The following INSL6 variants were observed in gnomAD, a reference collection of about 807,000 sequenced individuals.
INSL6 encodes the protein insulin like 6.
INSL6 carries 16 observed loss-of-function variants against 9.4 expected under a neutral mutation model. The observed-to-expected ratio is 1.70, with a 90% CI of 1.15 to 2.59. The LOEUF is 2.59. Ranked by LOEUF, INSL6 falls within the 30% of genes most tolerant of loss-of-function variation. The pLI is 0.00. For synonymous variants in INSL6, 154 were observed against 96.9 expected (o/e 1.59, Z -3.46); for missense variants, 391 against 257.3 (o/e 1.52, Z -3.56).
At chr9:5,078,309 G>A in the INSL6 span, 2 of 1,611,116 alleles carry the variant, frequency 1.2e-6, no homozygotes, top group Non-Finnish European at 8.5e-7. Flanking sequence ...CTAATAGGAA[G>A]AAAACACCCT....
chr9:5,026,388 G>A, the INSL6 span, among the ~76,000 whole-genome samples: 1 of 152,130 alleles, frequency 6.6e-6, no homozygotes, highest in African/African-American at 2.4e-5. Flanking sequence ...GCTAAATAAT[G>A]TTATTATAAA....
chr9:5,087,352 G>A, the INSL6 span, among the ~76,000 whole-genome samples: 1 of 152,196 alleles, frequency 6.6e-6, no homozygotes, highest in African/African-American at 2.4e-5. Flanking sequence ...CACGAGAACA[G>A]CATGGAGGAA....
chr9:5,142,909 G>C (rs777528035), intron 2 of INSL6, among the ~76,000 whole-genome samples: 1 of 152,114 alleles, frequency 6.6e-6, no homozygotes, highest in South Asian at 2.1e-4. Context: ...TAACATGAAT[G>C]GATGTTAAAT....
At chr9:5,115,960 G>C in the INSL6 span, among the ~76,000 whole-genome samples, 3 of 151,950 alleles carry the variant, frequency 2.0e-5, no homozygotes, top group African/African-American at 7.2e-5. Flanking sequence ...TAATGTAGTT[G>C]ATGGGTTGAT....
chr9:5,165,512 C>G (rs1048673155), intron 1 of INSL6, among the ~76,000 whole-genome samples: 2 of 152,138 alleles, frequency 1.3e-5, no homozygotes, highest in African/African-American at 4.8e-5. Context: ...TCGCATTTAC[C>G]TCATGGCTAA....
chr9:5,113,461 C>A, the INSL6 span: 1 of 144,832 alleles, frequency 6.9e-6, no homozygotes, highest in African/African-American at 2.6e-5. Context: ...CCGGACTGAC[C>A]TTGGCCAGGC....
the INSL6 span, among the ~76,000 whole-genome samples, chr9:5,005,782 C>A: frequency 2.6e-5 from 4 of 152,284 alleles, no homozygotes; most frequent in East Asian, 3.9e-4. Context: ...AGTCACTGGG[C>A]ATTACATTTT....
At chr9:5,121,671 T>A (rs901783186), downstream of INSL6, among the ~76,000 whole-genome samples, 1 of 152,192 alleles carries the variant, frequency 6.6e-6, no homozygotes, top group African/African-American at 2.4e-5. Context: ...AAGATTTACA[T>A]ACACTTCAAA....
the INSL6 span, chr9:5,029,919 G>T: frequency 4.5e-6 from 7 of 1,569,880 alleles, no homozygotes; most frequent in Non-Finnish European, 6.0e-6. Context: ...ACTTTCTTCA[G>T]TAAAGTAACT....
the INSL6 span, chr9:5,110,021 A>G: frequency 6.6e-6 from 1 of 152,224 alleles, no homozygotes; most frequent in African/African-American, 2.4e-5. Flanking sequence ...TTTTAGTTAT[A>G]GCATGGTTCC....
chr9:5,017,823 C>T, the INSL6 span, among the ~76,000 whole-genome samples: 4 of 152,156 alleles, frequency 2.6e-5, no homozygotes, highest in Non-Finnish European at 5.9e-5. Context: ...TGTTTTGATA[C>T]ATTAGAAGTT....
chr9:5,006,818 A>C, the INSL6 span, among the ~76,000 whole-genome samples: 1 of 152,224 alleles, frequency 6.6e-6, no homozygotes, highest in Non-Finnish European at 1.5e-5. Flanking sequence ...ACACAGAACC[A>C]AACCATATCA....
At chr9:5,110,175 G>A in the INSL6 span, 1 of 152,146 alleles carries the variant, frequency 6.6e-6, no homozygotes, top group African/African-American at 2.4e-5. Flanking sequence ...ATCCGCCATA[G>A]AAGGCCCAAC....
At chr9:4,993,750 G>T in the INSL6 span, among the ~76,000 whole-genome samples, 3 of 152,126 alleles carry the variant, frequency 2.0e-5, no homozygotes, top group Admixed American at 6.5e-5. Context: ...TGGCTATATA[G>T]CAGGTCCTTG....
chr9:5,151,198 G>T (rs1824707362), intron 2 of INSL6, among the ~76,000 whole-genome samples: 1 of 145,874 alleles, frequency 6.9e-6, no homozygotes, highest in Non-Finnish European at 1.5e-5. Flanking sequence ...ATATATCCAT[G>T]TAACAAATCT....
chr9:5,007,893 A>C, the INSL6 span, among the ~76,000 whole-genome samples: 1 of 151,496 alleles, frequency 6.6e-6, no homozygotes, highest in African/African-American at 2.4e-5. Flanking sequence ...ACGCCTGGCT[A>C]ATTTTTGTGT....
At chr9:5,128,841 T>G (rs1295254537) in intron 3 of INSL6, among the ~76,000 whole-genome samples, 1 of 152,052 alleles carries the variant, frequency 6.6e-6, no homozygotes, top group Non-Finnish European at 1.5e-5. Context: ...TTGTACCAGT[T>G]AATGCCAAAA....
At chr9:5,011,651 ATTC>A in the INSL6 span, among the ~76,000 whole-genome samples, 1 of 152,088 alleles carries the variant, frequency 6.6e-6, no homozygotes, top group Non-Finnish European at 1.5e-5. Context: ...TATTATATAT[ATTC>A]TTCTTTTCAT....
At chr9:5,173,984 AG>A (rs1290553897) in intron 1 of INSL6, among the ~76,000 whole-genome samples, 27 of 152,290 alleles carry the variant, frequency 1.8e-4, no homozygotes, top group African/African-American at 6.3e-4. Flanking sequence ...ATCTCTTAAC[AG>A]GTACACCCAT....
Sources: allele counts gnomAD v4.1 joint callset (sites outside exome capture counted in the v4.1 genomes callset), GRCh38; gene constraint gnomAD v4.1.1; transcripts MANE v1.5; gene names NCBI Gene and HGNC (gene_info 2026-07-23, HGNC 2026-07-21).